FAM168B: variants seen among roughly 807,000 people sequenced by gnomAD.
The protein encoded by FAM168B is myelin-associated neurite-outgrowth inhibitor.
Under a neutral mutation model 21.8 loss-of-function variants are expected in FAM168B, and 19 were observed. The observed-to-expected ratio is 0.87, with a 90% CI of 0.61 to 1.28. The LOEUF (loss-of-function observed/expected upper bound fraction) is 1.28, where lower values mean the gene tolerates loss of function less well. Ranked by LOEUF, FAM168B falls within the 50% of genes most tolerant of loss-of-function variation. The pLI, the probability that FAM168B is intolerant of heterozygous loss-of-function variation, is 0.00. For missense variants in FAM168B, 233 were observed against 263.1 expected (o/e 0.89, Z 0.79); for synonymous variants, 126 against 104.8 (o/e 1.20, Z -1.24).
At chr2:131,080,007 C>G (rs1693354113) in intron 2 of FAM168B, among the ~76,000 whole-genome samples, 2 of 151,884 alleles carry the variant, frequency 1.3e-5, no homozygotes, top group East Asian at 3.9e-4. Context: ...ATCCCAGCAA[C>G]TCAGGAGGCT....
intron 5 of FAM168B, among the ~76,000 whole-genome samples, chr2:131,054,079 G>A (rs2105456517): frequency 6.6e-6 from 1 of 151,826 alleles, no homozygotes; most frequent in Admixed American, 6.6e-5. Context: ...CATGGTGGCA[G>A]GCGCCTGTAG....
intron 1 of FAM168B, among the ~76,000 whole-genome samples, chr2:131,091,334 C>A (rs1319387550): frequency 2.1e-5 from 3 of 142,950 alleles, no homozygotes. Flanking sequence ...ACAAAACTGT[C>A]TCAAAAAAAT....
At chr2:131,089,891 C>T (rs1002856239) in intron 1 of FAM168B, among the ~76,000 whole-genome samples, 1 of 150,698 alleles carries the variant, frequency 6.6e-6, no homozygotes, top group Non-Finnish European at 1.5e-5. Flanking sequence ...AATTAGCCAG[C>T]GGTGGTGGTG....
In FAM168B at chr2:131,055,335, G is replaced by C. The variant is rs199942804; in HGVS notation, c.412C>G (p.Pro138Ala). 2.0e-5 allele frequency: 31 copies of C among 1,584,990 alleles called. No individual in the cohort carries two copies. The highest frequency in any genetic ancestry group is 1.6e-4 in the East Asian group (7 of 44,142). Residue 138 changes from proline (P) to alanine (A), a missense_variant, in exon 5 of 7, where the codon CCT becomes GCT. Pro to Ala is a conservative substitution (Grantham distance 27, BLOSUM62 -1). Coordinates refer to ENST00000389915, the MANE Select transcript of FAM168B (RefSeq NM_001009993.4). ...ATGGTGACCCCGTTGCCTCTAGGAG[G>C]GGGGATGGGAGCAGGGTACACCGTT... Reference protein sequence around the residue: ...PATVYPAPIPPPRGNGVTMGM... With the variant: ...PATVYPAPIPAPRGNGVTMGM...
intron 2 of FAM168B, among the ~76,000 whole-genome samples, chr2:131,082,308 T>C (rs1030758907): frequency 4.6e-5 from 7 of 151,988 alleles, no homozygotes; most frequent in African/African-American, 1.2e-4. Flanking sequence ...TGAGAAGGAG[T>C]GGGACCTGTG....
chr2:131,068,548 C>T (rs1692691678), intron 3 of FAM168B, among the ~76,000 whole-genome samples: 1 of 152,198 alleles, frequency 6.6e-6, no homozygotes, highest in South Asian at 2.1e-4. Context: ...TGGCACCTAA[C>T]AACTGCCTGG....
chr2:131,052,869 C>A, intron 6 of FAM168B, 22 bp downstream of exon 6: 1 of 1,547,328 alleles, frequency 6.5e-7, no homozygotes, highest in African/African-American at 1.4e-5. Context: ...AAAGGCTAGC[C>A]CAGCCTTCCC....
chr2:131,077,312 C>G (rs1693206081), intron 2 of FAM168B, among the ~76,000 whole-genome samples: 4 of 151,980 alleles, frequency 2.6e-5, no homozygotes, highest in Admixed American at 2.6e-4. Flanking sequence ...CATCTCTTTT[C>G]CAGAAAGAAC....
chr2:131,085,857 C>T (rs1558997868), intron 1 of FAM168B, among the ~76,000 whole-genome samples: 1 of 152,228 alleles, frequency 6.6e-6, no homozygotes, highest in Admixed American at 6.5e-5. Context: ...CTGTCCCCTA[C>T]AGCAGCCGCC....
chr2:131,052,837 C>T (rs896887418), intron 6 of FAM168B, 54 bp downstream of exon 6: 4 of 1,538,996 alleles, frequency 2.6e-6, no homozygotes, highest in African/African-American at 1.4e-5. Context: ...TTGCCACTGT[C>T]CCATGGAAAT....
At chr2:131,085,585 C>G (rs559393710) in intron 1 of FAM168B, among the ~76,000 whole-genome samples, 1 of 152,200 alleles carries the variant, frequency 6.6e-6, no homozygotes, top group African/African-American at 2.4e-5. Context: ...ATATTCACAA[C>G]CAAGCAATCC....
At chr2:131,084,965 T>C (rs771188658) in intron 1 of FAM168B, among the ~76,000 whole-genome samples, 1 of 152,180 alleles carries the variant, frequency 6.6e-6, no homozygotes, top group Non-Finnish European at 1.5e-5. Flanking sequence ...TCCTCCCGCC[T>C]TGGCCTCCTA....
intron 3 of FAM168B, among the ~76,000 whole-genome samples, chr2:131,059,110 AAC>A (rs905528537): frequency 6.6e-6 from 1 of 152,194 alleles, no homozygotes; most frequent in Non-Finnish European, 1.5e-5. Context: ...GCATTGTACC[AAC>A]ACAGAGAGGC....
intron 2 of FAM168B, 61 bp downstream of exon 2, chr2:131,082,516 G>T: frequency 1.7e-6 from 2 of 1,146,974 alleles, no homozygotes; most frequent in Middle Eastern, 2.5e-4. Context: ...CATTCTTAGT[G>T]ACATGAAAAT....
chr2:131,087,063 C>CAAAAAAAAAAAAAAAAAAAAAAA (rs70994735), intron 1 of FAM168B, among the ~76,000 whole-genome samples: 2 of 40,684 alleles, frequency 4.9e-5, no homozygotes, highest in African/African-American at 5.4e-4. Context: ...GACTCCGTCT[C>CAAAAAAAAAAAAAAAAAAAAAAA]AAAAAAAAAA....
intron 1 of FAM168B, among the ~76,000 whole-genome samples, chr2:131,085,210 C>T (rs1307880615): frequency 6.6e-6 from 1 of 152,092 alleles, no homozygotes. Context: ...TGCCTGTATT[C>T]CCAGCACTGT....
intron 2 of FAM168B, among the ~76,000 whole-genome samples, chr2:131,081,779 G>A (rs1693445855): frequency 1.3e-5 from 2 of 152,086 alleles, no homozygotes; most frequent in Non-Finnish European, 1.5e-5. Flanking sequence ...TTAGTTCAAA[G>A]GCCAAGTTAG....
In FAM168B at chr2:131,066,917, T is replaced by C. The variant is rs140778657; in HGVS notation, c.154+4938A>G. On this transcript the variant is annotated intron_variant, in intron 3 of 6. Coordinates refer to ENST00000389915, the MANE Select transcript of FAM168B (RefSeq NM_001009993.4). ...CTGGGTAATTTATAAAGGAAAGAGGTTTAATGGACTCACAGTTACACATGG... is the reference window on the plus strand; with the variant it reads ...CTGGGTAATTTATAAAGGAAAGAGGCTTAATGGACTCACAGTTACACATGG... Among the ~76,000 whole-genome samples the C allele has an allele frequency of 2.9e-3, 447 of 151,838 alleles. 9 individuals are homozygous for C. Among genetic ancestry groups the C allele is most frequent in the Admixed American group, 0.02 (306 of 15,250 alleles).
intron 3 of FAM168B, among the ~76,000 whole-genome samples, chr2:131,063,663 C>T (rs1032473461): frequency 6.6e-6 from 1 of 152,090 alleles, no homozygotes; most frequent in African/African-American, 2.4e-5. Flanking sequence ...GTAGTCTCAG[C>T]GATTTAGGAG....
Sources: allele counts gnomAD v4.1 joint callset (sites outside exome capture counted in the v4.1 genomes callset), GRCh38; gene constraint gnomAD v4.1.1; transcripts MANE v1.5; gene names NCBI Gene and HGNC (gene_info 2026-07-23, HGNC 2026-07-21).